Variants in RIN2 observed in about 807,000 individuals in gnomAD.
The protein encoded by RIN2 is Ras and Rab interactor 2, also known as RAB5 interacting protein 2.
In RIN2, 36 loss-of-function variants were observed where a neutral mutation model predicts 78.0. The ratio of observed to expected loss-of-function variants is 0.46; its 90% CI spans 0.35 to 0.61. The LOEUF is 0.61. Ranked by LOEUF, RIN2 falls within the 20% of genes least tolerant of loss-of-function variation. The pLI is 0.00. For missense variants in RIN2, 1,087 were observed against 1,159.7 expected, an observed-to-expected ratio of 0.94 and a Z score of 0.91; for synonymous variants, 466 against 466.8, an observed-to-expected ratio of 1.00 and a Z score of 0.02.
At chr20:19,769,378 G>T (rs2122390590) in intron 1 of RIN2, among the ~76,000 whole-genome samples, 1 of 152,218 alleles carries the variant, frequency 6.6e-6, no homozygotes, top group African/African-American at 2.4e-5. Flanking sequence ...CTAGGTCAGG[G>T]CACAGCACAC....
At position 19,764,356 on chromosome 20, in the gene RIN2, C is replaced by A. The variant is rs537887167; in HGVS notation, c.-163+6029C>A. Among the ~76,000 whole-genome samples, 4 of 89,374 alleles carry A rather than the reference C, an allele frequency of 4.5e-5. No individual in the cohort carries two copies. The Admixed American group carries it at 4.8e-4, about 11-fold the overall frequency. 58.6% of individuals were successfully genotyped at this position (89,374 alleles called of 152,430 possible). ...ACTGAGGGCAGCTGTGCATGGAAAC[C>A]TTTGAGTCTCGGAAAGTCAGCCAGG... On this transcript the variant is annotated intron_variant, in intron 1 of 12. Transcript: ENST00000255006.
chr20:19,945,342 G>A (rs2041047284), intron 4 of RIN2, among the ~76,000 whole-genome samples: 1 of 152,116 alleles, frequency 6.6e-6, no homozygotes, highest in Non-Finnish European at 1.5e-5. Flanking sequence ...ATGGGCAGGA[G>A]GTGGGTGGCT....
chr20:19,788,945 T>G (rs1450832587), intron 1 of RIN2, among the ~76,000 whole-genome samples: 1 of 152,218 alleles, frequency 6.6e-6, no homozygotes, highest in Non-Finnish European at 1.5e-5. Context: ...TGAAAAATAA[T>G]TATAAAATTC....
At chr20:19,934,569 G>A in intron 3 of RIN2, 3 of 984,816 alleles carry the variant, frequency 3.0e-6, no homozygotes, top group Non-Finnish European at 3.6e-6. Flanking sequence ...TCTCTCCACA[G>A]CAGTGCAAAG....
At chr20:19,880,874 C>T (rs772886425) in intron 2 of RIN2, among the ~76,000 whole-genome samples, 22 of 152,324 alleles carry the variant, frequency 1.4e-4, no homozygotes, top group Non-Finnish European at 2.8e-4. Flanking sequence ...TCTCTTCAAC[C>T]TCCATAGAAA....
At chr20:19,851,047 AAGGAGAAAGAAAGG>A in intron 2 of RIN2, among the ~76,000 whole-genome samples, 1 of 67,598 alleles carries the variant, frequency 1.5e-5, no homozygotes, top group East Asian at 5.0e-4. Flanking sequence ...GGAAGGAAGG[AAGGAGAAAGAAAGG>A]AAGGAAGGAA....
intron 2 of RIN2, among the ~76,000 whole-genome samples, chr20:19,829,380 G>A (rs2036187071): frequency 6.6e-6 from 1 of 152,152 alleles, no homozygotes; most frequent in African/African-American, 2.4e-5. Context: ...ATTGAATCCA[G>A]TATATGAAGG....
chr20:19,762,295 T>C (rs2033670656), intron 1 of RIN2, among the ~76,000 whole-genome samples: 1 of 152,194 alleles, frequency 6.6e-6, no homozygotes, highest in Admixed American at 6.5e-5. Flanking sequence ...TGAGGCTTTA[T>C]TGCAATTAAG....
chr20:19,866,885 A>T (rs992540970), intron 2 of RIN2, among the ~76,000 whole-genome samples: 20 of 152,166 alleles, frequency 1.3e-4, no homozygotes, highest in Admixed American at 2.0e-4. Flanking sequence ...TTGGCCTCCC[A>T]AAGTGCTGGG....
chr20:19,954,993 A>G (rs1439251953), intron 4 of RIN2, among the ~76,000 whole-genome samples: 1 of 152,204 alleles, frequency 6.6e-6, no homozygotes, highest in Non-Finnish European at 1.5e-5. Context: ...TTTAATGTGC[A>G]TGATTCGCGG....
chr20:19,883,889 TAAAAA>T (rs140532587), intron 2 of RIN2, among the ~76,000 whole-genome samples: 4 of 143,730 alleles, frequency 2.8e-5, no homozygotes, highest in Non-Finnish European at 4.6e-5. Flanking sequence ...ACCACCTTGT[TAAAAA>T]AAAAAAAAAA....
chr20:19,870,938 T>C (rs1311586378), intron 2 of RIN2, among the ~76,000 whole-genome samples: 1 of 152,226 alleles, frequency 6.6e-6, no homozygotes, highest in African/African-American at 2.4e-5. Context: ...TTCTCCACTG[T>C]GTAGTTACTA....
At chr20:19,934,459 C>A (rs2040555436) in intron 3 of RIN2, 1 of 985,108 alleles carries the variant, frequency 1.0e-6, no homozygotes, top group Non-Finnish European at 1.2e-6. Context: ...TGAGATGGGG[C>A]CGCCTTTTCC....
At chr20:19,865,071 G>C (rs2037460073) in intron 2 of RIN2, among the ~76,000 whole-genome samples, 1 of 152,152 alleles carries the variant, frequency 6.6e-6, no homozygotes, top group South Asian at 2.1e-4. Flanking sequence ...GCAGACAATG[G>C]TTTGCTGTAA....
At chr20:19,992,438 A>G (rs931365306) in intron 11 of RIN2, 139 bp downstream of exon 11, 2 of 821,674 alleles carry the variant, frequency 2.4e-6, no homozygotes, top group Non-Finnish European at 3.6e-6. Context: ...TCACAATGTC[A>G]TGCATTCTCC....
At chr20:19,827,296 A>C (rs2036122656) in intron 2 of RIN2, among the ~76,000 whole-genome samples, 1 of 152,108 alleles carries the variant, frequency 6.6e-6, no homozygotes, top group African/African-American at 2.4e-5. Context: ...TTTCTAGTCT[A>C]ATAGCCCTGC....
At chr20:19,878,240 T>C (rs902671189) in intron 2 of RIN2, among the ~76,000 whole-genome samples, 31 of 152,284 alleles carry the variant, frequency 2.0e-4, no homozygotes, top group African/African-American at 7.2e-4. Context: ...CCCAAAGCTC[T>C]GGAATCTCTT....
At chr20:19,791,182 C>T (rs1478495808) in intron 1 of RIN2, among the ~76,000 whole-genome samples, 4 of 152,090 alleles carry the variant, frequency 2.6e-5, no homozygotes, top group African/African-American at 9.7e-5. Context: ...AATTACTTGT[C>T]CCATTTCTTT....
At chr20:19,952,909 G>T (rs1402015312) in intron 4 of RIN2, among the ~76,000 whole-genome samples, 1 of 152,154 alleles carries the variant, frequency 6.6e-6, no homozygotes, top group Non-Finnish European at 1.5e-5. Flanking sequence ...TTTACACTTG[G>T]ATCTCAGGCA....
Sources: allele counts gnomAD v4.1 joint callset (sites outside exome capture counted in the v4.1 genomes callset), GRCh38; gene constraint gnomAD v4.1.1; transcripts MANE v1.5; gene names NCBI Gene and HGNC (gene_info 2026-07-23, HGNC 2026-07-21).